Variants in DNMBP observed in about 807,000 individuals in gnomAD.
DNMBP encodes dynamin binding protein, also known as dynamin-binding protein.
Under a neutral mutation model 150.0 loss-of-function variants are expected in DNMBP, and 87 were observed. That is an observed-to-expected ratio of 0.58 (90% CI 0.49 to 0.69). DNMBP has a LOEUF of 0.69. Among genes scored for constraint, DNMBP ranks in the 30% least tolerant of loss-of-function variants. The pLI is 0.00. For missense variants in DNMBP, 1,774 were observed against 1,949.0 expected (o/e 0.91, Z 1.69); for synonymous variants, 711 against 750.4 (o/e 0.95, Z 0.86).
chr10:99,929,718 T>G (rs2040125587), intron 4 of DNMBP: 1 of 703,002 alleles, frequency 1.4e-6, no homozygotes, highest in Non-Finnish European at 2.6e-6. Context: ...TAATTTTTTC[T>G]CTTCCTCTAA....
intron 6 of DNMBP, 29 bp from the exon 7 acceptor site, chr10:99,900,095 T>C: frequency 2.5e-6 from 4 of 1,612,814 alleles, no homozygotes; most frequent in Non-Finnish European, 2.5e-6. Flanking sequence ...CATACAGTGT[T>C]TTTAGTAAAC....
chr10:99,915,575 C>T (rs896192386), intron 4 of DNMBP, among the ~76,000 whole-genome samples: 3 of 151,838 alleles, frequency 2.0e-5, no homozygotes, highest in Non-Finnish European at 4.4e-5. Context: ...ATTAGCTGGG[C>T]GTGGTAGCAC....
chr10:99,942,580 CT>C (rs1467869726), intron 4 of DNMBP, among the ~76,000 whole-genome samples: 27 of 152,330 alleles, frequency 1.8e-4, no homozygotes, highest in Admixed American at 6.5e-4. Context: ...GAAACCAATA[CT>C]TAAGTACCTC....
At chr10:99,944,368 A>C (rs760693589) in intron 4 of DNMBP, among the ~76,000 whole-genome samples, 1 of 152,186 alleles carries the variant, frequency 6.6e-6, no homozygotes, top group Non-Finnish European at 1.5e-5. Context: ...AGGTGTGTGA[A>C]CCTCACCAAG....
intron 4 of DNMBP, among the ~76,000 whole-genome samples, chr10:99,946,108 C>T (rs2040354232): frequency 6.6e-6 from 1 of 152,226 alleles, no homozygotes; most frequent in African/African-American, 2.4e-5. Flanking sequence ...AGGTGCACAC[C>T]ACTATGCCCT....
intron 4 of DNMBP, among the ~76,000 whole-genome samples, chr10:99,922,232 G>C (rs2040030099): frequency 2.0e-5 from 3 of 152,046 alleles, no homozygotes; most frequent in Admixed American, 2.0e-4. Context: ...GGTCCCACCT[G>C]AGCATGCCAT....
intron 4 of DNMBP, among the ~76,000 whole-genome samples, chr10:99,934,202 G>A (rs1475736453): frequency 6.6e-6 from 1 of 152,084 alleles, no homozygotes; most frequent in African/African-American, 2.4e-5. Flanking sequence ...AATCTTAGGT[G>A]CTGTATAGTA....
At chr10:99,917,392 A>C (rs1210995340) in intron 4 of DNMBP, among the ~76,000 whole-genome samples, 1 of 152,196 alleles carries the variant, frequency 6.6e-6, no homozygotes, top group Admixed American at 6.5e-5. Flanking sequence ...TTTTGTTAAA[A>C]AGGGAAAAAT....
chr10:99,946,149 G>C (rs561370381), intron 4 of DNMBP, among the ~76,000 whole-genome samples: 15 of 152,204 alleles, frequency 9.9e-5, no homozygotes, highest in African/African-American at 2.6e-4. Flanking sequence ...GTAGAGACAG[G>C]GTTTCACCAT....
intron 4 of DNMBP, among the ~76,000 whole-genome samples, chr10:99,909,978 G>T (rs1262495897): frequency 6.6e-6 from 1 of 152,200 alleles, no homozygotes; most frequent in Admixed American, 6.5e-5. Context: ...TTGTTCATCT[G>T]AAATGAGCAT....
intron 1 of DNMBP, among the ~76,000 whole-genome samples, chr10:99,978,088 A>C (rs2040747437): frequency 6.6e-6 from 1 of 152,208 alleles, no homozygotes; most frequent in African/African-American, 2.4e-5. Context: ...ACGACTCCGC[A>C]AGGTAGACAG....
At chr10:99,930,152 T>C (rs1013217987) in intron 4 of DNMBP, 44 of 702,976 alleles carry the variant, frequency 6.3e-5, no homozygotes, top group African/African-American at 6.1e-4. Flanking sequence ...GAACATGATA[T>C]AAATTGCTGT....
Position 99,955,478 on chromosome 10 carries a change from G to A in DNMBP, c.1996C>T (p.His666Tyr), listed in dbSNP as rs1420381955. 2.5e-6 allele frequency: 4 copies of A among 1,605,074 alleles called. No individual in the cohort carries two copies. The highest frequency in any genetic ancestry group is 3.4e-6 in the Non-Finnish European group (4 of 1,175,106). Residue 666 changes from histidine to tyrosine, a missense_variant, in exon 4 of 17, where the codon CAC becomes TAC. Coordinates refer to ENST00000324109, the MANE Select transcript of DNMBP (RefSeq NM_015221.4). ...NAVSPKLLSRHRPTCETLEKE... is the reference protein window; with the variant it reads ...NAVSPKLLSRYRPTCETLEKE... ...TCTAAGGTCTCACAGGTAGGACGGTGTCGAGATAGGAGCTTGGGGGATACC... is the reference window on the plus strand; with the variant it reads ...TCTAAGGTCTCACAGGTAGGACGGTATCGAGATAGGAGCTTGGGGGATACC...
At position 99,879,806 on chromosome 10, in the gene DNMBP, C is replaced by A; in HGVS notation, c.4548+5G>T. On this transcript the variant is annotated splice_donor_5th_base_variant and intron_variant, in intron 16 of 16. Transcript: ENST00000324109. ...GCCACAGTGGCAGGCCTCTTACGCA[C>A]TCACCTGGTTGCCTTCTGCCTCACT... The A allele has an allele frequency of 1.2e-6, 2 of 1,613,634 alleles. No individual in the cohort carries two copies. Among genetic ancestry groups the A allele is most frequent in the Non-Finnish European group, 1.7e-6 (2 of 1,179,566 alleles).
chr10:99,929,649 A>AGGGTGCT (rs1364004018), intron 4 of DNMBP: 1 of 699,832 alleles, frequency 1.4e-6, no homozygotes, highest in South Asian at 1.5e-5. Context: ...TGAGCGCCTC[A>AGGGTGCT]GGGTGCTGGG....
At chr10:99,898,393 T>C (rs1194043856) in intron 8 of DNMBP, 108 bp from the exon 9 acceptor site, 1 of 828,774 alleles carries the variant, frequency 1.2e-6, no homozygotes, top group Admixed American at 2.0e-5. Context: ...AACATAATAA[T>C]AATGTACACC....
chr10:99,970,971 C>CAAA (rs532226561), intron 2 of DNMBP, among the ~76,000 whole-genome samples: 988 of 33,198 alleles, frequency 0.03, 188 homozygotes, highest in Non-Finnish European at 0.043. Context: ...GACTCCGTCT[C>CAAA]AAAAAAAAAA....
At chr10:99,929,097 C>A (rs1056346504) in intron 4 of DNMBP, among the ~76,000 whole-genome samples, 14 of 151,962 alleles carry the variant, frequency 9.2e-5, no homozygotes, top group African/African-American at 2.9e-4. Flanking sequence ...TGAGCCATGA[C>A]CGTGCCACTG....
intron 11 of DNMBP, among the ~76,000 whole-genome samples, chr10:99,892,024 G>C (rs541262616): frequency 7.3e-6 from 1 of 137,772 alleles, no homozygotes; most frequent in Admixed American, 7.0e-5. Context: ...CCGGCCAGCC[G>C]CCCCGTCCGG....
Sources: allele counts gnomAD v4.1 joint callset (sites outside exome capture counted in the v4.1 genomes callset), GRCh38; gene constraint gnomAD v4.1.1; transcripts MANE v1.5; gene names NCBI Gene and HGNC (gene_info 2026-07-23, HGNC 2026-07-21).